ANKMY2: variants seen among roughly 807,000 people sequenced by gnomAD.
ANKMY2 encodes the protein ankyrin repeat and MYND domain-containing protein 2.
Under a neutral mutation model 50.4 loss-of-function variants are expected in ANKMY2, and 36 were observed. The ratio of observed to expected loss-of-function variants is 0.71; its 90% confidence interval spans 0.55 to 0.94. The LOEUF is 0.94. Ranked by LOEUF, ANKMY2 falls within the 40% of genes least tolerant of loss-of-function variation. The pLI is 0.00. For missense variants in ANKMY2, 565 were observed against 524.0 expected, an observed-to-expected ratio of 1.08 and a Z score of -0.76; for synonymous variants, 187 against 178.8, an observed-to-expected ratio of 1.05 and a Z score of -0.36.
intron 2 of ANKMY2, among the ~76,000 whole-genome samples, chr7:16,634,046 TAA>T (rs2128345969): frequency 6.6e-6 from 1 of 152,332 alleles, no homozygotes; most frequent in East Asian, 1.9e-4. Flanking sequence ...CATGTGTGGG[TAA>T]AGAGTTAACA....
At chr7:16,613,146 T>A (rs1028256215) in intron 5 of ANKMY2, among the ~76,000 whole-genome samples, 1 of 152,178 alleles carries the variant, frequency 6.6e-6, no homozygotes, top group African/African-American at 2.4e-5. Flanking sequence ...TAGATAACCT[T>A]CATATTCTGG....
At chr7:16,637,651 T>C (rs181406299) in intron 1 of ANKMY2, among the ~76,000 whole-genome samples, 15 of 152,206 alleles carry the variant, frequency 9.9e-5, no homozygotes, top group Admixed American at 2.0e-4. Context: ...TGTGTGAGCA[T>C]GCGAGCCAGT....
intron 2 of ANKMY2, among the ~76,000 whole-genome samples, chr7:16,631,490 G>C (rs573828794): frequency 1.3e-5 from 2 of 152,034 alleles, no homozygotes; most frequent in African/African-American, 4.8e-5. Context: ...AGAATTAACT[G>C]GTCCTTAAAG....
In ANKMY2 at chr7:16,600,717, T is replaced by A; in HGVS notation, c.*44A>T. On this transcript the variant is annotated 3_prime_UTR_variant, in exon 10 of 10. Transcript: ENST00000306999. ...ATGCATTCCTAGGAGTTTTCCAGCTTCTTGCAGGGTGAGGATCATCCACAC... is the reference window on the plus strand; with the variant it reads ...ATGCATTCCTAGGAGTTTTCCAGCTACTTGCAGGGTGAGGATCATCCACAC... 1 of 1,509,982 alleles carries A rather than the reference T, an allele frequency of 6.6e-7. No individual in the cohort carries two copies. Among genetic ancestry groups the A allele is most frequent in the Middle Eastern group, 1.8e-4 (1 of 5,426 alleles). 93.5% of individuals were successfully genotyped at this position (1,509,982 alleles called of 1,614,324 possible).
chr7:16,619,608 ATACT>A (rs780277554), intron 4 of ANKMY2, among the ~76,000 whole-genome samples: 3 of 152,156 alleles, frequency 2.0e-5, no homozygotes, highest in Non-Finnish European at 2.9e-5. Context: ...ATCTTTGTAA[ATACT>A]TAATCATTTA....
chr7:16,639,896 A>G (rs1468910400), intron 1 of ANKMY2, among the ~76,000 whole-genome samples: 3 of 152,176 alleles, frequency 2.0e-5, no homozygotes, highest in Non-Finnish European at 4.4e-5. Context: ...ATGGTGGCTC[A>G]CACCTGTAAT....
At chr7:16,639,028 C>T (rs1358548054) in intron 1 of ANKMY2, among the ~76,000 whole-genome samples, 1 of 152,154 alleles carries the variant, frequency 6.6e-6, no homozygotes, top group Non-Finnish European at 1.5e-5. Context: ...TAATCTGAAA[C>T]AGATTGGGCT....
intron 3 of ANKMY2, among the ~76,000 whole-genome samples, chr7:16,626,813 C>T (rs1370463741): frequency 6.6e-6 from 1 of 152,122 alleles, no homozygotes; most frequent in Non-Finnish European, 1.5e-5. Context: ...AAAATGTTGT[C>T]CACATAAAGA....
intron 4 of ANKMY2, among the ~76,000 whole-genome samples, chr7:16,620,428 A>C (rs1781415952): frequency 6.6e-6 from 1 of 152,216 alleles, no homozygotes; most frequent in Non-Finnish European, 1.5e-5. Flanking sequence ...GAAAGGAAAG[A>C]CCTGTGGCCT....
chr7:16,645,018 T>A (rs1329297393), intron 1 of ANKMY2, among the ~76,000 whole-genome samples: 1 of 152,110 alleles, frequency 6.6e-6, no homozygotes, highest in African/African-American at 2.4e-5. Flanking sequence ...TGTACCCTTA[T>A]GAAGAACCCC....
chr7:16,607,812 T>C (rs536042725), intron 7 of ANKMY2, among the ~76,000 whole-genome samples: 67 of 152,000 alleles, frequency 4.4e-4, no homozygotes, highest in African/African-American at 1.5e-3. Context: ...TTCTCTGATA[T>C]CAATTCTCCC....
intron 5 of ANKMY2, among the ~76,000 whole-genome samples, chr7:16,613,889 C>T (rs912489451): frequency 1.5e-4 from 23 of 148,930 alleles, no homozygotes; most frequent in African/African-American, 5.7e-4. Context: ...CCACTGCACT[C>T]CAGGCTGGGC....
intron 5 of ANKMY2, among the ~76,000 whole-genome samples, chr7:16,613,946 C>G (rs1387967946): frequency 6.8e-6 from 1 of 147,688 alleles, no homozygotes; most frequent in Non-Finnish European, 1.5e-5. Flanking sequence ...AAAAATTCCA[C>G]AAACCCTTAC....
At chr7:16,632,650 C>T (rs1323606611) in intron 2 of ANKMY2, among the ~76,000 whole-genome samples, 1 of 152,120 alleles carries the variant, frequency 6.6e-6, no homozygotes, top group Non-Finnish European at 1.5e-5. Context: ...TTGATGTATT[C>T]ATCAGTTGAA....
At chr7:16,639,721 G>T (rs1423272445) in intron 1 of ANKMY2, among the ~76,000 whole-genome samples, 1 of 152,174 alleles carries the variant, frequency 6.6e-6, no homozygotes, top group Non-Finnish European at 1.5e-5. Context: ...AGTTGAGGCT[G>T]CAGTGAGCTA....
intron 1 of ANKMY2, among the ~76,000 whole-genome samples, chr7:16,638,286 A>C (rs933663747): frequency 6.6e-6 from 1 of 152,228 alleles, no homozygotes; most frequent in African/African-American, 2.4e-5. Flanking sequence ...GATGCCAATC[A>C]TAAGCCCCTG....
At chr7:16,610,387 A>G (rs990830932) in intron 6 of ANKMY2, among the ~76,000 whole-genome samples, 162 bp downstream of exon 6, 4 of 152,218 alleles carry the variant, frequency 2.6e-5, no homozygotes, top group African/African-American at 7.2e-5. Flanking sequence ...ATCACTCAAT[A>G]TAAGTATAAT....
At chr7:16,601,865 C>CA (rs1451964398) in intron 9 of ANKMY2, among the ~76,000 whole-genome samples, 1 of 152,038 alleles carries the variant, frequency 6.6e-6, no homozygotes, top group Non-Finnish European at 1.5e-5. Flanking sequence ...AAAAAAAATA[C>CA]AAAATTCACT....
At chr7:16,614,747 G>C (rs537539453) in intron 5 of ANKMY2, among the ~76,000 whole-genome samples, 1 of 152,300 alleles carries the variant, frequency 6.6e-6, no homozygotes, top group South Asian at 2.1e-4. Flanking sequence ...TTTACTACAT[G>C]ATAGTAACGC....
Sources: gnomAD v4.1 joint callset for allele counts (sites outside exome capture counted in the v4.1 genomes callset) on GRCh38, gnomAD v4.1.1 for gene constraint, MANE v1.5 for transcripts, NCBI Gene and HGNC (gene_info 2026-07-23, HGNC 2026-07-21) for gene names.